Variants in SNTB2 observed in about 807,000 individuals in gnomAD.
The protein encoded by SNTB2 is beta-2-syntrophin.
A neutral mutation model predicts 46.2 loss-of-function variants in SNTB2; 34 were observed. The ratio of observed to expected loss-of-function variants is 0.74; its 90% CI spans 0.56 to 0.98. The LOEUF (loss-of-function observed/expected upper bound fraction) is 0.98, where lower values mean the gene tolerates loss of function less well. Among genes scored for constraint, SNTB2 ranks in the 50% least tolerant of loss-of-function variants. The probability of loss-of-function intolerance (pLI) is 0.00; values close to 1 mark genes in which losing one functional copy is unlikely to be tolerated. For synonymous variants in SNTB2, 290 were observed against 312.6 expected, an observed-to-expected ratio of 0.93 and a Z score of 0.76; for missense variants, 603 against 731.4, an observed-to-expected ratio of 0.82 and a Z score of 2.02.
chr16:69,189,290 G>A (rs553631858), intron 1 of SNTB2, among the ~76,000 whole-genome samples: 2 of 152,200 alleles, frequency 1.3e-5, no homozygotes, highest in South Asian at 4.2e-4. Flanking sequence ...TGGTTTGGGT[G>A]TGTGTCCAAA....
intron 4 of SNTB2, among the ~76,000 whole-genome samples, chr16:69,276,180 CTT>C (rs1964983559): frequency 1.3e-5 from 2 of 148,902 alleles, no homozygotes; most frequent in East Asian, 3.9e-4. Context: ...TATAAGCCTT[CTT>C]TGGAAGAGAA....
chr16:69,288,835 A>T (rs1965131654), intron 5 of SNTB2, among the ~76,000 whole-genome samples: 1 of 152,218 alleles, frequency 6.6e-6, no homozygotes, highest in Admixed American at 6.5e-5. Context: ...TGGTATATAT[A>T]CACAAAGGGA....
intron 3 of SNTB2, among the ~76,000 whole-genome samples, chr16:69,265,830 GA>G (rs762058012): frequency 0.022 from 1,454 of 67,492 alleles, 8 homozygotes; most frequent in Middle Eastern, 0.054. Context: ...CCGTGCCAAA[GA>G]AAAAAAAAAA....
At chr16:69,228,232 G>A (rs1042951824) in intron 1 of SNTB2, among the ~76,000 whole-genome samples, 4 of 151,866 alleles carry the variant, frequency 2.6e-5, no homozygotes, top group Non-Finnish European at 4.4e-5. Flanking sequence ...ATGACCGGCC[G>A]CGGTGGCTGA....
intron 2 of SNTB2, among the ~76,000 whole-genome samples, chr16:69,254,913 T>C (rs1230398935): frequency 6.6e-6 from 1 of 151,882 alleles, no homozygotes; most frequent in Non-Finnish European, 1.5e-5. Context: ...GAGACCTGTA[T>C]GGTCAAGGCT....
At chr16:69,289,067 C>T (rs1422337154) in intron 5 of SNTB2, among the ~76,000 whole-genome samples, 2 of 151,698 alleles carry the variant, frequency 1.3e-5, no homozygotes, top group South Asian at 2.1e-4. Context: ...GTCAGGAGTT[C>T]GAGACCGGCC....
intron 1 of SNTB2, among the ~76,000 whole-genome samples, chr16:69,191,967 T>A (rs1270983005): frequency 2.0e-5 from 3 of 152,114 alleles, no homozygotes; most frequent in Non-Finnish European, 4.4e-5. Context: ...GGGAAAATAA[T>A]TGGGACAGAT....
chr16:69,187,218 G>A lies in SNTB2; in HGVS notation c.52G>A (p.Val18Met), dbSNP rs1963996735. The A allele has an allele frequency of 1.4e-6, 2 of 1,442,260 alleles. No individual in the cohort carries two copies. The highest frequency in any genetic ancestry group is 1.4e-5 in the South Asian group (1 of 69,858). 89.3% of individuals were successfully genotyped at this position (1,442,260 alleles called of 1,614,324 possible). The stretch of plus-strand genomic sequence containing the variant: ...GGCTGGAGCGGGGCCGGCCATGGCG[G>A]TGTGGACGCGGGCCACCAAAGCGGG... Reference protein sequence around the residue: ...AAAGAGPAMAVWTRATKAGLV... With the variant: ...AAAGAGPAMAMWTRATKAGLV... The change falls in exon 1 of 7, where the codon GTG becomes ATG. Residue 18 changes from valine (V) to methionine (M), a missense_variant. Transcript: ENST00000336278.
chr16:69,292,390 T>TTATATATATATATATATTATA (rs1965174251), intron 5 of SNTB2, among the ~76,000 whole-genome samples: 2 of 12,764 alleles, frequency 1.6e-4, no homozygotes, highest in Non-Finnish European at 2.4e-4. Flanking sequence ...TATATATATA[T>TTATATATATATATATATTATA]TATATATATA....
At position 69,300,892 on chromosome 16, in the gene SNTB2, G is replaced by T. The variant is rs866576655; in HGVS notation, c.1591G>T (p.Ala531Ser). Residue 531 changes from alanine to serine, a missense_variant, in exon 7 of 7, where the codon GCC becomes TCC. Transcript: ENST00000336278. ...ATTTGTGTTGCACACGTTTTTATCG[G>T]CCAAAGTCACTCGTATGGGACTGCT... ...IVFVLHTFLS[A>S]KVTRMGLLV 3.7e-6 allele frequency: 6 copies of T among 1,613,354 alleles called. No homozygotes were observed. The highest frequency in any genetic ancestry group is 1.1e-5 in the South Asian group (1 of 91,070).
At chr16:69,282,657 C>T (rs1163986803) in intron 4 of SNTB2, among the ~76,000 whole-genome samples, 1 of 141,520 alleles carries the variant, frequency 7.1e-6, no homozygotes, top group African/African-American at 2.7e-5. Context: ...AATGGGATGG[C>T]ATTGAATCTG....
chr16:69,284,495 C>T (rs1376173091), intron 5 of SNTB2, among the ~76,000 whole-genome samples: 3 of 124,040 alleles, frequency 2.4e-5, no homozygotes, highest in East Asian at 2.4e-4. Flanking sequence ...AAAAAAAATC[C>T]GTGCACAGTG....
At chr16:69,284,314 T>C (rs1401002435) in intron 5 of SNTB2, 70 bp downstream of exon 5, 24 of 1,348,320 alleles carry the variant, frequency 1.8e-5, no homozygotes, top group Non-Finnish European at 1.2e-5. Flanking sequence ...TGCTGCATAA[T>C]GACATTTCAG....
Position 69,251,380 on chromosome 16 carries a change from T to C in SNTB2, c.794+5565T>C, listed in dbSNP as rs1040909214. ...TTTTGTAATGTCCTATTTTTTTTTT[T>C]CTTCTGATTTAAAGGCCTCAGAAAC... On this transcript the variant is annotated intron_variant, in intron 2 of 6. Transcript: ENST00000336278. 5.3e-5 allele frequency among the ~76,000 whole-genome samples: 8 copies of C among 151,518 alleles called. 1 individual carries two copies. Among genetic ancestry groups the C allele is most frequent in the African/African-American group, 1.9e-4 (8 of 41,354 alleles).
At chr16:69,288,505 T>A (rs1163187265) in intron 5 of SNTB2, among the ~76,000 whole-genome samples, 1 of 152,224 alleles carries the variant, frequency 6.6e-6, no homozygotes, top group Non-Finnish European at 1.5e-5. Flanking sequence ...TTGGTAACTG[T>A]TAGAGTAGCT....
At chr16:69,280,006 C>CG (rs1173531732) in intron 4 of SNTB2, among the ~76,000 whole-genome samples, 1 of 152,238 alleles carries the variant, frequency 6.6e-6, no homozygotes, top group East Asian at 1.9e-4. Context: ...GGGGACCCTG[C>CG]GGCCTTCCGC....
At chr16:69,289,878 C>A (rs1248182930) in intron 5 of SNTB2, among the ~76,000 whole-genome samples, 1 of 152,082 alleles carries the variant, frequency 6.6e-6, no homozygotes, top group Admixed American at 6.6e-5. Flanking sequence ...GCTATGATTA[C>A]GTCACTGCAC....
chr16:69,287,084 A>G (rs180817428), intron 5 of SNTB2, among the ~76,000 whole-genome samples: 1 of 152,228 alleles, frequency 6.6e-6, no homozygotes, highest in Admixed American at 6.5e-5. Context: ...ACTTACTCAA[A>G]TAAGTATCTA....
intron 1 of SNTB2, among the ~76,000 whole-genome samples, chr16:69,196,538 C>A (rs1964107748): frequency 6.6e-6 from 1 of 151,862 alleles, no homozygotes; most frequent in Non-Finnish European, 1.5e-5. Context: ...CCATGCCCGG[C>A]TAATTTTTGT....
Sources: gnomAD v4.1 joint callset for allele counts (sites outside exome capture counted in the v4.1 genomes callset) on GRCh38, gnomAD v4.1.1 for gene constraint, MANE v1.5 for transcripts, NCBI Gene and HGNC (gene_info 2026-07-23, HGNC 2026-07-21) for gene names.